The following PAPPA variants were observed in gnomAD, a reference collection of about 807,000 sequenced individuals.
PAPPA encodes the protein pappalysin 1.
A neutral mutation model predicts 164.0 loss-of-function variants in PAPPA; 60 were observed. That is an observed-to-expected ratio of 0.37 (90% CI 0.30 to 0.45). The LOEUF (loss-of-function observed/expected upper bound fraction) is 0.45, where lower values mean the gene tolerates loss of function less well. Ranked by LOEUF, PAPPA falls within the 20% of genes least tolerant of loss-of-function variation. PAPPA has a pLI of 1.00. For synonymous variants in PAPPA, 875 were observed against 814.1 expected (o/e 1.07, Z -1.27); for missense variants, 1,782 against 2,087.3 (o/e 0.85, Z 2.85).
intron 10 of PAPPA, among the ~76,000 whole-genome samples, chr9:116,308,312 G>A (rs144895559): frequency 1.2e-4 from 19 of 152,350 alleles, no homozygotes; most frequent in Non-Finnish European, 2.6e-4. Context: ...AGCTTACTCA[G>A]CCAGTAGTGA....
At chr9:116,269,028 T>C (rs1462968148) in intron 8 of PAPPA, among the ~76,000 whole-genome samples, 1 of 152,188 alleles carries the variant, frequency 6.6e-6, no homozygotes, top group Non-Finnish European at 1.5e-5. Context: ...AAATGATCCA[T>C]AGCAACAGGT....
At chr9:116,335,291 C>A (rs956239650) in intron 13 of PAPPA, among the ~76,000 whole-genome samples, 11 of 152,228 alleles carry the variant, frequency 7.2e-5, no homozygotes, top group South Asian at 2.1e-4. Context: ...GAAAAAAGAA[C>A]CTCATTCACC....
rs565237963 is a variant in PAPPA at position 116,273,567 on chromosome 9, A to G, written c.2953+2151A>G. 2.6e-5 allele frequency among the ~76,000 whole-genome samples: 4 copies of G among 152,282 alleles called. No homozygotes were observed. The South Asian group carries it at 8.3e-4, about 32-fold the overall frequency. On this transcript the variant is annotated intron_variant, in intron 9 of 21. Coordinates refer to ENST00000328252, the MANE Select transcript of PAPPA (RefSeq NM_002581.5). ...GAGCCAGGTGCAGAGAGTAGGTGAA[A>G]ATTATAATGTGGTTCACCATTTCTT...
intron 1 of PAPPA, among the ~76,000 whole-genome samples, chr9:116,160,802 A>G (rs1239430302): frequency 6.6e-6 from 1 of 152,204 alleles, no homozygotes; most frequent in Non-Finnish European, 1.5e-5. Context: ...GGAAATGCTC[A>G]ACTGTGATTC....
intron 9 of PAPPA, among the ~76,000 whole-genome samples, chr9:116,278,644 T>C (rs1164560023): frequency 6.8e-6 from 1 of 148,042 alleles, no homozygotes; most frequent in East Asian, 1.9e-4. Flanking sequence ...CCATTGACAG[T>C]AGCCAAATCG....
At chr9:116,207,641 G>A in intron 3 of PAPPA, 40 bp downstream of exon 3, 1 of 1,545,970 alleles carries the variant, frequency 6.5e-7, no homozygotes, top group Non-Finnish European at 8.9e-7. Flanking sequence ...ACTAGAGTAG[G>A]ACAGTAATAC....
chr9:116,319,316 C>T (rs1442157862), intron 10 of PAPPA, among the ~76,000 whole-genome samples: 2 of 152,212 alleles, frequency 1.3e-5, no homozygotes, highest in Non-Finnish European at 2.9e-5. Context: ...TGGAGGAGCT[C>T]AAGCCCCCTG....
intron 4 of PAPPA, among the ~76,000 whole-genome samples, chr9:116,212,555 T>C (rs1564185975): frequency 1.3e-5 from 2 of 152,142 alleles, no homozygotes; most frequent in Non-Finnish European, 2.9e-5. Flanking sequence ...ATGCACACAA[T>C]TGCACATGGC....
Position 116,374,188 on chromosome 9 carries a change from G to GTGGTGTTGA in PAPPA, c.4606-3386_4606-3385insGTGTTGATG, listed in dbSNP as rs776190581. On this transcript the variant is annotated intron_variant, in intron 19 of 21. Coordinates refer to ENST00000328252, the MANE Select transcript of PAPPA (RefSeq NM_002581.5). Reference sequence around the variant, plus strand: ...GGTGGTGTTGATGATGATGATGGTGGTGATGATGATGGTGGTGCCAATGGT... The same window carrying GTGGTGTTGA: ...GGTGGTGTTGATGATGATGATGGTGGTGGTGTTGATGATGATGATGGTGGTGCCAATGGT... 2.3e-4 allele frequency among the ~76,000 whole-genome samples: 25 copies of GTGGTGTTGA among 108,258 alleles called. 1 individual carries two copies. The highest frequency in any genetic ancestry group is 5.8e-4 in the Admixed American group (5 of 8,600). 71.0% of individuals were successfully genotyped at this position (108,258 alleles called of 152,430 possible).
At chr9:116,386,749 G>C (rs1204079096) in intron 21 of PAPPA, among the ~76,000 whole-genome samples, 1 of 152,142 alleles carries the variant, frequency 6.6e-6, no homozygotes, top group African/African-American at 2.4e-5. Flanking sequence ...AGCCCAGACT[G>C]CCAGGGAACT....
intron 17 of PAPPA, among the ~76,000 whole-genome samples, chr9:116,360,273 T>C (rs1311969560): frequency 9.3e-6 from 1 of 108,042 alleles, no homozygotes; most frequent in East Asian, 2.3e-4. Context: ...AGAAGGAGAG[T>C]CTGGGCTCTT....
intron 13 of PAPPA, among the ~76,000 whole-genome samples, chr9:116,340,641 T>C (rs1204072636): frequency 6.6e-6 from 1 of 152,188 alleles, no homozygotes; most frequent in Admixed American, 6.5e-5. Flanking sequence ...ACAGATGTGC[T>C]GAAAAAGCAA....
At chr9:116,383,471 A>G (rs1432491672) in intron 21 of PAPPA, among the ~76,000 whole-genome samples, 1 of 152,224 alleles carries the variant, frequency 6.6e-6, no homozygotes, top group Middle Eastern at 3.2e-3. Flanking sequence ...GCTTCATTTT[A>G]TTAATAGGGG....
Position 116,347,688 on chromosome 9 carries a change from C to T in PAPPA, c.3964+479C>T, listed in dbSNP as rs979505601. Among the ~76,000 whole-genome samples the T allele has an allele frequency of 1.3e-5, 2 of 152,082 alleles. No homozygotes were observed. Among genetic ancestry groups the T allele is most frequent in the Admixed American group, 6.6e-5 (1 of 15,266 alleles). Reference sequence around the variant, plus strand: ...TCAGTGGTGGGGACCATATTGAAACCCAGGTCTGTTGTTCTCCAATGCTGG... The same window carrying T: ...TCAGTGGTGGGGACCATATTGAAACTCAGGTCTGTTGTTCTCCAATGCTGG... On this transcript the variant is annotated intron_variant, in intron 15 of 21. Transcript: ENST00000328252. The surrounding 1 kb of genome is among the most constrained non-coding windows in gnomAD (Gnocchi z 4.5).
chr9:116,375,240 C>T (rs554684031), intron 19 of PAPPA, among the ~76,000 whole-genome samples: 1 of 152,310 alleles, frequency 6.6e-6, no homozygotes, highest in Admixed American at 6.5e-5. Flanking sequence ...TTCCCATATA[C>T]CACTTTATGC....
At chr9:116,381,060 T>C (rs559978243) in intron 20 of PAPPA, among the ~76,000 whole-genome samples, 20 of 152,336 alleles carry the variant, frequency 1.3e-4, no homozygotes, top group Non-Finnish European at 2.4e-4. Flanking sequence ...CTGCTTTCTA[T>C]ATTGAAATGT....
rs1330944157 is a variant in PAPPA at position 116,235,147 on chromosome 9, G to A, written c.2242G>A (p.Asp748Asn). 6.2e-7 allele frequency: 1 copy of A among 1,614,132 alleles called. No individual in the cohort carries two copies. The highest frequency in any genetic ancestry group is 8.5e-7 in the Non-Finnish European group (1 of 1,180,002). The change falls in exon 7 of 22, where the codon GAT (aspartate) becomes AAT (asparagine). Residue 748 changes from aspartate (D) to asparagine (N), a missense_variant. Asp to Asn is a conservative substitution (Grantham distance 23, BLOSUM62 1). This residue lies in a region of PAPPA where 1,324 missense variants were observed against 1,656.9 expected (regional missense o/e 0.80). Coordinates refer to ENST00000328252, the MANE Select transcript of PAPPA (RefSeq NM_002581.5). ...WSPREAEGHP[D>N]VEQPCKSSVR... ...TCATCTCTTCTGCATAGGTCATCCTGATGTTGAACAGCCCTGTAAGTCCAG... is the reference window on the plus strand; with the variant it reads ...TCATCTCTTCTGCATAGGTCATCCTAATGTTGAACAGCCCTGTAAGTCCAG...
chr9:116,239,430 C>A (rs1340629757), intron 7 of PAPPA, among the ~76,000 whole-genome samples: 1 of 152,150 alleles, frequency 6.6e-6, no homozygotes, highest in Non-Finnish European at 1.5e-5. Flanking sequence ...AAGCCCTTCT[C>A]TATGGGTAGA....
chr9:116,341,699 A>G (rs1219291814), intron 13 of PAPPA, among the ~76,000 whole-genome samples: 1 of 152,236 alleles, frequency 6.6e-6, no homozygotes, highest in African/African-American at 2.4e-5. Context: ...TCCGTCCACT[A>G]TATTCCCAAT....
Sources: gnomAD v4.1 joint callset for allele counts (sites outside exome capture counted in the v4.1 genomes callset) on GRCh38, gnomAD v4.1.1 for gene constraint, gnomAD v4.1.1 regional missense constraint, Gnocchi (gnomAD v3.1) non-coding constraint, MANE v1.5 for transcripts, NCBI Gene and HGNC (gene_info 2026-07-23, HGNC 2026-07-21) for gene names.